UBE2D4: variants seen among roughly 807,000 people sequenced by gnomAD.
UBE2D4 encodes the protein ubiquitin conjugating enzyme E2 D4.
A neutral mutation model predicts 23.0 loss-of-function variants in UBE2D4; 17 were observed. The ratio of observed to expected loss-of-function variants is 0.74; its 90% CI spans 0.51 to 1.11. The LOEUF is 1.11. Ranked by LOEUF, UBE2D4 falls within the 50% of genes least tolerant of loss-of-function variation. The pLI, the probability that UBE2D4 is intolerant of heterozygous loss-of-function variation, is 0.00. For synonymous variants in UBE2D4, 61 were observed against 69.4 expected, an observed-to-expected ratio of 0.88 and a Z score of 0.60; for missense variants, 139 against 181.8, an observed-to-expected ratio of 0.76 and a Z score of 1.35.
At chr7:43,952,418 G>A (rs1585893158) in intron 6 of UBE2D4, 1 of 483,708 alleles carries the variant, frequency 2.1e-6, no homozygotes, top group African/African-American at 1.9e-5. Context: ...TAGTTATGGA[G>A]AATCAACAGT....
chr7:43,934,043 G>C (rs1224055414), intron 1 of UBE2D4, among the ~76,000 whole-genome samples: 2 of 152,170 alleles, frequency 1.3e-5, no homozygotes, highest in Non-Finnish European at 2.9e-5. Flanking sequence ...GTGAACACAG[G>C]CACAGAAACA....
intron 4 of UBE2D4, chr7:43,943,324 C>T (rs2095977765): frequency 3.7e-6 from 2 of 536,322 alleles, no homozygotes; most frequent in South Asian, 2.2e-5. Context: ...GGCTCTGGCT[C>T]CCTTCTCTGC....
chr7:43,934,757 TG>T (rs1262042747), intron 1 of UBE2D4, among the ~76,000 whole-genome samples: 1 of 152,064 alleles, frequency 6.6e-6, no homozygotes, highest in Admixed American at 6.5e-5. Context: ...TCTCATCACA[TG>T]GGATGCATTG....
Position 43,953,293 on chromosome 7 carries a change from G to C in UBE2D4, c.*598G>C. ...GCAGTGCCACGTGGTGGCATTTCTC[G>C]CCTCACACCAAGAAGCAGCAAGTGG... On this transcript the variant is annotated 3_prime_UTR_variant, in exon 7 of 7. Coordinates refer to ENST00000222402, the MANE Select transcript of UBE2D4 (RefSeq NM_015983.4). The C allele has an allele frequency of 4.6e-5, 20 of 436,198 alleles. 1 individual carries two copies. The highest frequency in any genetic ancestry group is 3.2e-4 in the South Asian group (20 of 62,138). 27.0% of individuals were successfully genotyped at this position (436,198 alleles called of 1,614,324 possible).
At chr7:43,933,013 T>TATATATATATATACACACAC (rs1340458201) in intron 1 of UBE2D4, among the ~76,000 whole-genome samples, 1 of 116,648 alleles carries the variant, frequency 8.6e-6, no homozygotes, top group African/African-American at 3.4e-5. Context: ...TATATATATA[T>TATATATATATATACACACAC]ACACACACAT....
chr7:43,949,923 C>A (rs567903078), intron 5 of UBE2D4, among the ~76,000 whole-genome samples: 1 of 152,180 alleles, frequency 6.6e-6, no homozygotes, highest in Admixed American at 6.5e-5. Flanking sequence ...GGCGCGATCT[C>A]GGCTCACTGC....
chr7:43,938,578 G>C lies in UBE2D4; in HGVS notation c.88+84G>C, dbSNP rs547404049. 32 of 1,377,098 alleles carry C rather than the reference G, an allele frequency of 2.3e-5. No homozygotes were observed. In the African/African-American group the frequency reaches 4.6e-4, roughly 20 times the overall value. The allele number at this position is 1,377,098 out of a possible 1,614,324, so 85.3% of individuals were successfully genotyped here. ...AGGCCAGGTGCGGTGGCTCACGCCT[G>C]TAATCCCAACACTTTGGGAAGCCAA... On this transcript the variant is annotated intron_variant, in intron 2 of 6. Coordinates refer to ENST00000222402, the MANE Select transcript of UBE2D4 (RefSeq NM_015983.4).
intron 4 of UBE2D4, among the ~76,000 whole-genome samples, chr7:43,945,972 C>T (rs960989310): frequency 8.6e-5 from 13 of 151,710 alleles, no homozygotes; most frequent in Non-Finnish European, 1.8e-4. Flanking sequence ...TTAGTAGAGA[C>T]GAGGTTTCAC....
intron 1 of UBE2D4, among the ~76,000 whole-genome samples, chr7:43,933,015 C>CAT (rs2095949980): frequency 2.5e-5 from 2 of 81,288 alleles, no homozygotes; most frequent in South Asian, 5.8e-4. Context: ...TATATATATA[C>CAT]ACACACATAT....
chr7:43,929,146 C>T (rs193125562), intron 1 of UBE2D4, among the ~76,000 whole-genome samples: 85 of 152,016 alleles, frequency 5.6e-4, no homozygotes, highest in East Asian at 3.5e-3. Flanking sequence ...AAAAAATGGC[C>T]GGGTGAGGTG....
chr7:43,955,576 C>T lies in UBE2D4; in HGVS notation c.*2881C>T, dbSNP rs1262503087. ...CCTAGAATTCCACACTGCCTCACTG[C>T]AGTTGCTCAAGGATGGGTATGTTTC... On this transcript the variant is annotated 3_prime_UTR_variant, in exon 7 of 7. Transcript: ENST00000222402. 9.9e-5 allele frequency: 15 copies of T among 152,188 alleles called. No homozygotes were observed. Among genetic ancestry groups the T allele is most frequent in the Admixed American group, 9.8e-4 (15 of 15,278 alleles). 9.4% of individuals were successfully genotyped at this position (152,188 alleles called of 1,614,324 possible).
Position 43,948,687 on chromosome 7 carries a change from G to T in UBE2D4, c.254G>T (p.Cys85Phe), listed in dbSNP as rs761054135. The T allele has an allele frequency of 1.8e-5, 29 of 1,613,866 alleles. No individual in the cohort carries two copies. Among genetic ancestry groups the T allele is most frequent in the Non-Finnish European group, 2.4e-5 (28 of 1,179,946 alleles). The change falls in exon 5 of 7, where the codon TGC becomes TTC. Residue 85 changes from cysteine to phenylalanine, a missense_variant. Transcript: ENST00000222402. Reference sequence around the variant, plus strand: ...AATATCAACAGCAATGGCAGCATCTGCCTTGATATCCTGCGGTCTCAGTGG... The same window carrying T: ...AATATCAACAGCAATGGCAGCATCTTCCTTGATATCCTGCGGTCTCAGTGG... ...HPNINSNGSI[C>F]LDILRSQWSP... is the part of the protein sequence containing the mutation.
At chr7:43,937,035 C>T (rs2595647) in intron 1 of UBE2D4, among the ~76,000 whole-genome samples, 9,372 of 152,282 alleles carry the variant, frequency 0.062, 314 homozygotes, top group East Asian at 0.098. Context: ...TAGGGATCCA[C>T]ACGTGGCCTT....
At position 43,937,067 on chromosome 7, in the gene UBE2D4, T is replaced by C. The variant is rs115284625; in HGVS notation, c.25-1364T>C. ...CCTTTCAGGGATCATTAAGTGCTGG[T>C]GTAACTGTTCATCACACCTCTAAAG... On this transcript the variant is annotated intron_variant, in intron 1 of 6. Coordinates refer to ENST00000222402, the MANE Select transcript of UBE2D4 (RefSeq NM_015983.4). 4.3e-3 allele frequency among the ~76,000 whole-genome samples: 652 copies of C among 152,288 alleles called. 5 individuals are homozygous for C. Among genetic ancestry groups the C allele is most frequent in the African/African-American group, 0.014 (600 of 41,564 alleles).
chr7:43,952,895 T>A lies in UBE2D4; in HGVS notation c.*200T>A. The A allele has an allele frequency of 3.7e-6, 2 of 537,558 alleles. No individual in the cohort carries two copies. The highest frequency in any genetic ancestry group is 6.8e-6 in the Non-Finnish European group (2 of 292,848). 33.3% of individuals were successfully genotyped at this position (537,558 alleles called of 1,614,324 possible). A position where few individuals can be genotyped will look rare whatever the true frequency, so the allele number is the denominator to read the frequency against. On this transcript the variant is annotated 3_prime_UTR_variant, in exon 7 of 7. Coordinates refer to ENST00000222402, the MANE Select transcript of UBE2D4 (RefSeq NM_015983.4). ...GGCTTTGACAGTGCCACCTCTTTGA[T>A]GCCAAATCAGCAACCATTGTTGTTA...
intron 1 of UBE2D4, among the ~76,000 whole-genome samples, chr7:43,931,845 C>T (rs1188030290): frequency 1.3e-5 from 2 of 151,980 alleles, no homozygotes; most frequent in Non-Finnish European, 2.9e-5. Context: ...GCCACCATGC[C>T]TGGCTACTTT....
Position 43,956,015 on chromosome 7 carries a change from C to T in UBE2D4, c.*3320C>T, listed in dbSNP as rs1158008840. 1 of 152,164 alleles carries T rather than the reference C, an allele frequency of 6.6e-6. No homozygotes were observed. Among genetic ancestry groups the T allele is most frequent in the Non-Finnish European group, 1.5e-5 (1 of 68,032 alleles). The allele number at this position is 152,164 out of a possible 1,614,324, so 9.4% of individuals were successfully genotyped here. A position where few individuals can be genotyped will look rare whatever the true frequency, so the allele number is the denominator to read the frequency against. On this transcript the variant is annotated 3_prime_UTR_variant, in exon 7 of 7. Coordinates refer to ENST00000222402, the MANE Select transcript of UBE2D4 (RefSeq NM_015983.4). ...TGTTCACTGGTGAGAGGAAAAGGGACTTGTTCTCCCTTGACCAGTTTTCTA... is the reference window on the plus strand; with the variant it reads ...TGTTCACTGGTGAGAGGAAAAGGGATTTGTTCTCCCTTGACCAGTTTTCTA...
chr7:43,928,367 A>G (rs549924066), intron 1 of UBE2D4, among the ~76,000 whole-genome samples: 1 of 151,744 alleles, frequency 6.6e-6, no homozygotes, highest in South Asian at 2.1e-4. Flanking sequence ...CTTAATTCAC[A>G]TTACTGGGTT....
At chr7:43,950,734 C>T (rs372776261) in intron 6 of UBE2D4, 42 bp downstream of exon 6, 1 of 1,493,918 alleles carries the variant, frequency 6.7e-7, no homozygotes, top group African/African-American at 1.4e-5. Flanking sequence ...ATGGCTGCCC[C>T]AGGCAGCTCC....
Sources: allele counts gnomAD v4.1 joint callset (sites outside exome capture counted in the v4.1 genomes callset), GRCh38; gene constraint gnomAD v4.1.1; transcripts MANE v1.5; gene names NCBI Gene and HGNC (gene_info 2026-07-23, HGNC 2026-07-21).